DCBLD1: variants seen among roughly 807,000 people sequenced by gnomAD.
DCBLD1 encodes discoidin, CUB and LCCL domain containing 1.
A neutral mutation model predicts 71.5 loss-of-function variants in DCBLD1; 57 were observed. The observed-to-expected ratio is 0.80, with a 90% CI of 0.64 to 0.99. DCBLD1 has a LOEUF of 0.99. Among genes scored for constraint, DCBLD1 ranks in the 50% least tolerant of loss-of-function variants. The pLI is 0.00. For missense variants in DCBLD1, 891 were observed against 923.5 expected (o/e 0.96, Z 0.46); for synonymous variants, 380 against 363.8 (o/e 1.04, Z -0.51).
intron 14 of DCBLD1, among the ~76,000 whole-genome samples, chr6:117,568,298 T>C (rs1441158984): frequency 6.6e-6 from 1 of 152,090 alleles, no homozygotes; most frequent in Non-Finnish European, 1.5e-5. Flanking sequence ...TACATATAAG[T>C]GTGGTGTTGG....
At chr6:117,495,480 A>G (rs953057783) in intron 1 of DCBLD1, among the ~76,000 whole-genome samples, 5 of 152,254 alleles carry the variant, frequency 3.3e-5, no homozygotes, top group South Asian at 2.1e-4. Flanking sequence ...TGCTCATGAA[A>G]TTGGGCACTA....
At chr6:117,487,317 C>T (rs1562424762) in intron 1 of DCBLD1, among the ~76,000 whole-genome samples, 1 of 152,134 alleles carries the variant, frequency 6.6e-6, no homozygotes, top group Non-Finnish European at 1.5e-5. Context: ...CTGTAAGACT[C>T]AACCTCACTC....
chr6:117,543,101 T>A lies in DCBLD1; in HGVS notation c.1358-23T>A, dbSNP rs1779154126. 6 of 1,600,802 alleles carry A rather than the reference T, an allele frequency of 3.7e-6. No individual in the cohort carries two copies. In the African/African-American group the frequency reaches 8.0e-5, roughly 21 times the overall value. ...GTTGTTGGTCATTTATGTTGTAACG[T>A]GATGGCTTTCCGTCTTCTTTAGGAA... On this transcript the variant is annotated intron_variant, in intron 11 of 14. Transcript: ENST00000338728.
intron 14 of DCBLD1, 125 bp downstream of exon 14, chr6:117,545,722 G>C (rs1471970427): frequency 1.5e-6 from 2 of 1,355,744 alleles, no homozygotes; most frequent in Non-Finnish European, 2.0e-6. Flanking sequence ...TCTGAAATGT[G>C]TTTTTTCTGC....
At chr6:117,498,696 A>G (rs1171349294) in intron 1 of DCBLD1, among the ~76,000 whole-genome samples, 3 of 152,050 alleles carry the variant, frequency 2.0e-5, no homozygotes, top group African/African-American at 4.8e-5. Flanking sequence ...TATAGCAACC[A>G]TCAACATTTC....
intron 6 of DCBLD1, among the ~76,000 whole-genome samples, chr6:117,534,052 T>C (rs774391292): frequency 1.3e-5 from 2 of 152,246 alleles, no homozygotes; most frequent in Non-Finnish European, 2.9e-5. Flanking sequence ...TTGTGTTCTC[T>C]GCCTACCATA....
intron 11 of DCBLD1, among the ~76,000 whole-genome samples, chr6:117,541,338 T>C (rs1779090386): frequency 6.6e-6 from 1 of 151,622 alleles, no homozygotes; most frequent in Non-Finnish European, 1.5e-5. Flanking sequence ...AATATAGAAA[T>C]TGGTAATATA....
At chr6:117,526,526 A>T (rs977453847) in intron 5 of DCBLD1, among the ~76,000 whole-genome samples, 1 of 152,202 alleles carries the variant, frequency 6.6e-6, no homozygotes, top group Admixed American at 6.5e-5. Flanking sequence ...TTTTTTCTTA[A>T]TGTAGATATT....
chr6:117,511,368 CTT>C (rs1778015068), intron 2 of DCBLD1, among the ~76,000 whole-genome samples: 1 of 152,168 alleles, frequency 6.6e-6, no homozygotes, highest in Non-Finnish European at 1.5e-5. Context: ...GAAAGAAACT[CTT>C]TACTATAGGA....
Position 117,528,939 on chromosome 6 carries a change from C to A in DCBLD1, c.586-3321C>A, listed in dbSNP as rs1250389159. Among the ~76,000 whole-genome samples, 3 of 152,128 alleles carry A rather than the reference C, an allele frequency of 2.0e-5. No individual in the cohort carries two copies. In the East Asian group the frequency reaches 5.8e-4, roughly 29 times the overall value. ...CACTGCAAGCTCCACTTCCTGGGTT[C>A]ACGCCATTCTCCTGCCTCAGCCTCA... On this transcript the variant is annotated intron_variant, in intron 5 of 14. Transcript: ENST00000338728.
chr6:117,488,438 G>T (rs1777165050), intron 1 of DCBLD1, among the ~76,000 whole-genome samples: 1 of 152,132 alleles, frequency 6.6e-6, no homozygotes, highest in Non-Finnish European at 1.5e-5. Context: ...GAGTCCAGGA[G>T]TTCCAGACCA....
At position 117,514,605 on chromosome 6, in the gene DCBLD1, A is replaced by T. The variant is rs1160877915; in HGVS notation, c.326-5211A>T. ...AGACCCTGTCTCAAAAAAAAAAAAA[A>T]AAATCCTCTCAATGATGATATTTAT... On this transcript the variant is annotated intron_variant, in intron 2 of 14. Transcript: ENST00000338728. Among the ~76,000 whole-genome samples, 6 of 152,162 alleles carry T rather than the reference A, an allele frequency of 3.9e-5. No homozygotes were observed. In the East Asian group the frequency reaches 1.2e-3, roughly 29 times the overall value.
At chr6:117,488,215 A>G (rs1249323518) in intron 1 of DCBLD1, among the ~76,000 whole-genome samples, 1 of 152,226 alleles carries the variant, frequency 6.6e-6, no homozygotes, top group African/African-American at 2.4e-5. Context: ...GGTAACTACT[A>G]GTTCCTGAGT....
chr6:117,511,533 A>G (rs977225247), intron 2 of DCBLD1, among the ~76,000 whole-genome samples: 8 of 152,130 alleles, frequency 5.3e-5, no homozygotes, highest in African/African-American at 2.4e-5. Context: ...TGTGAAGTCA[A>G]CTGTTAATGT....
chr6:117,521,613 A>G, intron 4 of DCBLD1, 37 bp downstream of exon 4: 4 of 1,515,938 alleles, frequency 2.6e-6, no homozygotes, highest in East Asian at 2.5e-5. Context: ...GCAGTCGTGT[A>G]TTGCTGAACA....
chr6:117,548,313 C>G lies in DCBLD1; in HGVS notation c.2022C>G (p.Leu674=). 1 of 1,550,678 alleles carries G rather than the reference C, an allele frequency of 6.4e-7. No individual in the cohort carries two copies. Among genetic ancestry groups the G allele is most frequent in the Non-Finnish European group, 8.7e-7 (1 of 1,147,000 alleles). The change falls in exon 15 of 15, where the codon CTC becomes CTG. Residue 674 remains leucine (L), a synonymous_variant. Coordinates refer to ENST00000338728, the MANE Select transcript of DCBLD1 (RefSeq NM_001366458.2). ...ACCGGCCCAAAGCTGTCAGCGCCCT[C>G]GCCACCGAAAGCGGGCACCCTGACT... The part of the protein sequence containing the change: ...GYDRPKAVSA[L]ATESGHPDSQ...
intron 2 of DCBLD1, among the ~76,000 whole-genome samples, chr6:117,505,829 A>T (rs1777823506): frequency 6.6e-6 from 1 of 152,146 alleles, no homozygotes; most frequent in South Asian, 2.1e-4. Flanking sequence ...AAAGGCAGAA[A>T]AGAATGGAAT....
At chr6:117,525,285 T>A (rs986853877) in intron 4 of DCBLD1, 77 bp from the exon 5 acceptor site, 4 of 1,159,334 alleles carry the variant, frequency 3.5e-6, no homozygotes, top group South Asian at 5.8e-5. Context: ...GAAAATACTT[T>A]AAAAATTTAA....
rs547120029 is a variant in DCBLD1 at position 117,507,727 on chromosome 6, T to C, written c.325+3748T>C. Among the ~76,000 whole-genome samples the C allele has an allele frequency of 1.1e-4, 16 of 152,342 alleles. No homozygotes were observed. The East Asian group carries it at 2.9e-3, about 28-fold the overall frequency. ...CCTGACTTCTCAGTCTTCCTTCATC[T>C]TTTGAGAATACTGACCAGTTATTTT... is the stretch of plus-strand genomic sequence containing the variant. On this transcript the variant is annotated intron_variant, in intron 2 of 14. Transcript: ENST00000338728.
Sources: allele counts gnomAD v4.1 joint callset (sites outside exome capture counted in the v4.1 genomes callset), GRCh38; gene constraint gnomAD v4.1.1; transcripts MANE v1.5; gene names NCBI Gene and HGNC (gene_info 2026-07-23, HGNC 2026-07-21).